Variants in ESRRG observed in about 807,000 individuals in gnomAD.
ESRRG encodes the protein estrogen-related receptor gamma.
ESRRG carries 13 observed loss-of-function variants against 44.0 expected under a neutral mutation model. The observed-to-expected ratio is 0.30, with a 90% CI of 0.19 to 0.47. The LOEUF (loss-of-function observed/expected upper bound fraction) is 0.47. ESRRG is among the 20% of genes least tolerant of loss of function. The probability of loss-of-function intolerance (pLI) is 1.00; values close to 1 mark genes in which losing one functional copy is unlikely to be tolerated. For synonymous variants in ESRRG, 215 were observed against 214.6 expected (o/e 1.00, Z -0.02); for missense variants, 395 against 580.6 (o/e 0.68, Z 3.29).
At chr1:216,979,213 T>C (rs890431346) in intron 1 of ESRRG, among the ~76,000 whole-genome samples, 2 of 152,116 alleles carry the variant, frequency 1.3e-5, no homozygotes, top group Non-Finnish European at 2.9e-5. Context: ...CCTCAGACTA[T>C]GGTATGGACA....
At chr1:217,067,788 C>T (rs555438152) in intron 1 of ESRRG, among the ~76,000 whole-genome samples, 47 of 152,158 alleles carry the variant, frequency 3.1e-4, no homozygotes, top group Non-Finnish European at 6.0e-4. Flanking sequence ...AGAGAAGACA[C>T]ACATTCATTT....
At chr1:216,901,893 C>G (rs1362423803) in intron 2 of ESRRG, among the ~76,000 whole-genome samples, 1 of 152,088 alleles carries the variant, frequency 6.6e-6, no homozygotes, top group Non-Finnish European at 1.5e-5. Context: ...TCTGGGACTC[C>G]AGGTATGCAC....
At chr1:216,508,009 T>G (rs2041662280) in intron 6 of ESRRG, among the ~76,000 whole-genome samples, 1 of 152,232 alleles carries the variant, frequency 6.6e-6, no homozygotes, top group Non-Finnish European at 1.5e-5. Flanking sequence ...TATATACAAG[T>G]TTGAATCATT....
chr1:216,578,103 A>T (rs975380521), intron 3 of ESRRG, among the ~76,000 whole-genome samples: 3 of 152,104 alleles, frequency 2.0e-5, no homozygotes, highest in Non-Finnish European at 2.9e-5. Context: ...AAATAAAGTA[A>T]ATCTAGTATA....
intron 5 of ESRRG, among the ~76,000 whole-genome samples, chr1:216,553,386 T>A (rs7534782): frequency 0.28 from 42,984 of 152,126 alleles, 7,194 homozygotes; most frequent in Admixed American, 0.39. Context: ...GATGATTCTC[T>A]GAAACTGGGT....
chr1:216,564,751 A>G (rs1486981491), intron 4 of ESRRG, among the ~76,000 whole-genome samples: 2 of 152,156 alleles, frequency 1.3e-5, no homozygotes, highest in Non-Finnish European at 2.9e-5. Flanking sequence ...GGTATAAAAT[A>G]GCTTAAAATA....
At chr1:216,997,943 A>C (rs937544749) in intron 1 of ESRRG, among the ~76,000 whole-genome samples, 1 of 152,232 alleles carries the variant, frequency 6.6e-6, no homozygotes, top group African/African-American at 2.4e-5. Context: ...AAAAATGTAC[A>C]AACAATAACT....
chr1:216,888,721 A>G (rs1458796266), intron 2 of ESRRG, among the ~76,000 whole-genome samples: 1 of 152,104 alleles, frequency 6.6e-6, no homozygotes, highest in Non-Finnish European at 1.5e-5. Flanking sequence ...AATATCCCCA[A>G]TGCCAAATGA....
chr1:216,971,163 G>GA (rs200802245), intron 1 of ESRRG, among the ~76,000 whole-genome samples: 170 of 150,966 alleles, frequency 1.1e-3, no homozygotes, highest in African/African-American at 3.9e-3. Flanking sequence ...TACTGTTTGA[G>GA]AAAAAAAAAT....
chr1:216,893,961 A>G (rs750854892), intron 2 of ESRRG, among the ~76,000 whole-genome samples: 2 of 152,214 alleles, frequency 1.3e-5, no homozygotes, highest in Non-Finnish European at 2.9e-5. Flanking sequence ...AAGAGATGAT[A>G]TGATTTGGAA....
At chr1:216,853,814 A>T (rs1047750874) in intron 2 of ESRRG, among the ~76,000 whole-genome samples, 3 of 152,198 alleles carry the variant, frequency 2.0e-5, no homozygotes, top group African/African-American at 7.2e-5. Flanking sequence ...CAAGCACTTC[A>T]TAATAATTTC....
chr1:216,943,036 G>A (rs556576906), intron 1 of ESRRG, among the ~76,000 whole-genome samples: 1 of 132,188 alleles, frequency 7.6e-6, no homozygotes, highest in East Asian at 2.2e-4. Context: ...TATTAAGATT[G>A]GGCATATAAA....
chr1:217,066,683 G>A (rs897507346), intron 1 of ESRRG, among the ~76,000 whole-genome samples: 14 of 152,160 alleles, frequency 9.2e-5, no homozygotes, highest in Non-Finnish European at 2.1e-4. Context: ...GACATTTGGG[G>A]CTGGACAATT....
chr1:216,745,197 C>T (rs1307331636), intron 2 of ESRRG, among the ~76,000 whole-genome samples: 1 of 152,042 alleles, frequency 6.6e-6, no homozygotes, highest in Non-Finnish European at 1.5e-5. Context: ...CTCACTCTGT[C>T]ACCCAGGCTG....
intron 2 of ESRRG, among the ~76,000 whole-genome samples, chr1:216,903,514 T>C (rs979847263): frequency 4.6e-5 from 7 of 151,530 alleles, no homozygotes; most frequent in Non-Finnish European, 8.8e-5. Flanking sequence ...TGAGGTGATA[T>C]GGTTAGAATC....
At chr1:216,876,842 T>C (rs906653664) in intron 2 of ESRRG, among the ~76,000 whole-genome samples, 1 of 152,150 alleles carries the variant, frequency 6.6e-6, no homozygotes, top group Non-Finnish European at 1.5e-5. Flanking sequence ...TGTACCCTGG[T>C]TAAATACTTT....
At chr1:216,775,483 A>G (rs993034919) in intron 2 of ESRRG, among the ~76,000 whole-genome samples, 1 of 145,380 alleles carries the variant, frequency 6.9e-6, no homozygotes, top group Non-Finnish European at 1.5e-5. Flanking sequence ...GGTGAACCAC[A>G]CCACTCTATT....
chr1:217,008,267 G>T (rs878982950), intron 1 of ESRRG, among the ~76,000 whole-genome samples: 8 of 152,198 alleles, frequency 5.3e-5, no homozygotes, highest in Admixed American at 2.0e-4. Context: ...ATTGTTCAAG[G>T]TTACAAAGCT....
intron 3 of ESRRG, among the ~76,000 whole-genome samples, chr1:216,606,490 T>A (rs1205828339): frequency 6.6e-6 from 1 of 152,194 alleles, no homozygotes; most frequent in African/African-American, 2.4e-5. Context: ...AGAGATTAAA[T>A]CTTCTTTTCA....
Sources: allele counts gnomAD v4.1 joint callset (sites outside exome capture counted in the v4.1 genomes callset), GRCh38; gene constraint gnomAD v4.1.1; transcripts MANE v1.5; gene names NCBI Gene and HGNC (gene_info 2026-07-23, HGNC 2026-07-21).